ZNF221: variants seen among roughly 807,000 people sequenced by gnomAD.
The protein encoded by ZNF221 is zinc finger protein 221.
ZNF221 carries 10 observed loss-of-function variants against 12.6 expected under a neutral mutation model. That is an observed-to-expected ratio of 0.79 (90% confidence interval 0.49 to 1.34). ZNF221 has a LOEUF of 1.34. ZNF221 is among the 40% of genes most tolerant of loss of function. The pLI, the probability that ZNF221 is intolerant of heterozygous loss-of-function variation, is 0.00. For synonymous variants in ZNF221, 232 were observed against 244.0 expected (o/e 0.95, Z 0.46); for missense variants, 661 against 721.4 (o/e 0.92, Z 0.96).
the ZNF221 span, chr19:43,978,231 C>T: frequency 1.3e-5 from 2 of 152,138 alleles, no homozygotes; most frequent in African/African-American, 2.4e-5. Flanking sequence ...GCGCAGTGAC[C>T]ACTCCTACCC....
the ZNF221 span, among the ~76,000 whole-genome samples, chr19:43,980,965 G>A: frequency 1.3e-5 from 2 of 152,142 alleles, no homozygotes; most frequent in African/African-American, 4.8e-5. Context: ...TGATGGTTGA[G>A]CCTTTGGCTG....
chr19:43,967,167 C>T lies in ZNF221; in HGVS notation c.1665C>T (p.Val555=), dbSNP rs1274102700. ...SKFNLDMHQR[V]HGGERPYNCK... Reference sequence around the variant, plus strand: ...TTAATCTTGACATGCACCAGAGGGTCCACGGGGGAGAGCGACCCTATAATT... The same window carrying T: ...TTAATCTTGACATGCACCAGAGGGTTCACGGGGGAGAGCGACCCTATAATT... The change falls in exon 5 of 5, where the codon GTC becomes GTT. Residue 555 remains valine, a synonymous_variant. Transcript: ENST00000587682. 2 of 1,591,208 alleles carry T rather than the reference C, an allele frequency of 1.3e-6. No individual in the cohort carries two copies. Among genetic ancestry groups the T allele is most frequent in the East Asian group, 2.3e-5 (1 of 43,068 alleles).
intron 1 of ZNF221, among the ~76,000 whole-genome samples, chr19:43,957,582 ACTCT>A (rs1034138994): frequency 1.3e-5 from 2 of 151,682 alleles, no homozygotes; most frequent in Non-Finnish European, 2.9e-5. Context: ...GAGTCCCATG[ACTCT>A]CTCTCTTTCT....
chr19:43,961,560 A>G (rs1974843082), intron 1 of ZNF221, among the ~76,000 whole-genome samples: 1 of 152,168 alleles, frequency 6.6e-6, no homozygotes, highest in Admixed American at 6.5e-5. Flanking sequence ...CCTATTAGAT[A>G]TGGCTAGACA....
the ZNF221 span, among the ~76,000 whole-genome samples, chr19:43,975,872 C>T: frequency 6.6e-6 from 1 of 152,010 alleles, no homozygotes. Flanking sequence ...GTTCTCAAGT[C>T]GGATTCTTAT....
the ZNF221 span, among the ~76,000 whole-genome samples, chr19:43,981,121 A>G: frequency 6.6e-6 from 1 of 152,196 alleles, no homozygotes; most frequent in Non-Finnish European, 1.5e-5. Flanking sequence ...CAACATAAAA[A>G]TGGGTAATAG....
chr19:43,954,944 G>A (rs994675022), intron 1 of ZNF221, among the ~76,000 whole-genome samples: 1 of 152,050 alleles, frequency 6.6e-6, no homozygotes, highest in Non-Finnish European at 1.5e-5. Flanking sequence ...ACACACTTGC[G>A]AAGGTGTGTA....
chr19:43,968,244 A>G (rs1975018998), downstream of ZNF221, among the ~76,000 whole-genome samples: 1 of 152,362 alleles, frequency 6.6e-6, no homozygotes. Flanking sequence ...TGTAGCACAG[A>G]ACCTTTGTAA....
rs143821769 is a variant in ZNF221, at chr19:43,963,814, C to A, written c.81+1007C>A. Among the ~76,000 whole-genome samples the A allele has an allele frequency of 3.8e-4, 58 of 152,314 alleles. No homozygotes were observed. In the East Asian group the frequency reaches 0.01, roughly 26 times the overall value. ...GAGAATGATATTAATACAATGAATT[C>A]TTCTTCCTAATCATATTACCGAAAC... On this transcript the variant is annotated intron_variant, in intron 2 of 4. Transcript: ENST00000587682.
chr19:43,955,331 C>T (rs1252153958), intron 1 of ZNF221, among the ~76,000 whole-genome samples: 1 of 150,926 alleles, frequency 6.6e-6, no homozygotes, highest in Admixed American at 6.6e-5. Flanking sequence ...TTTTCATCTG[C>T]ATTTTGTGCC....
At chr19:43,977,662 T>G in the ZNF221 span, among the ~76,000 whole-genome samples, 1 of 152,342 alleles carries the variant, frequency 6.6e-6, no homozygotes, top group Admixed American at 6.5e-5. Context: ...TGGAACCAGC[T>G]CGGACAAAGA....
chr19:43,972,370 C>G (rs942235658), downstream of ZNF221, among the ~76,000 whole-genome samples: 1 of 151,582 alleles, frequency 6.6e-6, no homozygotes, highest in African/African-American at 2.4e-5. Context: ...AATAGAGAAC[C>G]AAAAACAAAC....
At chr19:43,963,711 T>C (rs551350384) in intron 2 of ZNF221, among the ~76,000 whole-genome samples, 2 of 152,338 alleles carry the variant, frequency 1.3e-5, no homozygotes, top group Admixed American at 6.5e-5. Flanking sequence ...TCATAAAATA[T>C]GAGAAATCTG....
In ZNF221 at chr19:43,966,623, G is replaced by C; in HGVS notation, c.1121G>C (p.Gly374Ala). 6.2e-7 allele frequency: 1 copy of C among 1,614,088 alleles called. No individual in the cohort carries two copies. The highest frequency in any genetic ancestry group is 2.2e-5 in the East Asian group (1 of 44,874). The stretch of plus-strand genomic sequence containing the variant: ...TACAAATGTGAGCAATGTGGAAAAG[G>C]CTTCATTTGTAGGCGAGATTTTTGT... ...KPYKCEQCGK[G>A]FICRRDFCKH... Residue 374 changes from glycine to alanine, a missense_variant, in exon 5 of 5, where the codon GGC becomes GCC. By Grantham distance (60) the Gly-to-Ala change is moderately conservative. Transcript: ENST00000587682.
chr19:43,980,456 T>C, the ZNF221 span, among the ~76,000 whole-genome samples: 1 of 152,248 alleles, frequency 6.6e-6, no homozygotes, highest in Non-Finnish European at 1.5e-5. Context: ...CGTGTGACTA[T>C]GTACTCAAAA....
Position 43,964,980 on chromosome 19 carries a change from G to C in ZNF221, c.112G>C (p.Val38Leu), listed in dbSNP as rs1161988523. The change falls in exon 3 of 5, where the codon GTC becomes CTC. Residue 38 changes from valine to leucine, a missense_variant. Coordinates refer to ENST00000587682, the MANE Select transcript of ZNF221 (RefSeq NM_001297588.2). The part of the protein sequence containing the change: ...EAVTFKDVAV[V>L]FTEEELGLLD... ...AGTGACATTCAAGGATGTGGCTGTG[G>C]TCTTCACTGAGGAGGAGCTGGGGCT... 6.2e-7 allele frequency: 1 copy of C among 1,614,176 alleles called. No homozygotes were observed. The highest frequency in any genetic ancestry group is 1.3e-5 in the African/African-American group (1 of 75,024).
chr19:43,956,570 C>T (rs111935165), intron 1 of ZNF221, among the ~76,000 whole-genome samples: 3,901 of 152,160 alleles, frequency 0.026, 179 homozygotes, highest in African/African-American at 0.09. Flanking sequence ...GACCCTGGCT[C>T]TTGTCAATCT....
chr19:43,966,047 T>G lies in ZNF221; in HGVS notation c.545T>G (p.Val182Gly). 1 of 1,614,232 alleles carries G rather than the reference T, an allele frequency of 6.2e-7. No individual in the cohort carries two copies. The highest frequency in any genetic ancestry group is 8.5e-7 in the Non-Finnish European group (1 of 1,180,036). The change falls in exon 5 of 5, where the codon GTT becomes GGT. Residue 182 changes from valine to glycine, a missense_variant. Physicochemically the swap from Val to Gly is moderately radical, Grantham distance 109 (BLOSUM62 -3). Transcript: ENST00000587682. ...GAATGTAAACAGTCCTTCAGTGATG[T>G]TTCTGTCTTTGATCTTCATCAACAA... is the stretch of plus-strand genomic sequence containing the variant. Reference protein sequence around the residue: ...CNECKQSFSDVSVFDLHQQSH... With the variant: ...CNECKQSFSDGSVFDLHQQSH...
intron 1 of ZNF221, among the ~76,000 whole-genome samples, chr19:43,954,761 A>G (rs1018497224): frequency 1.3e-5 from 2 of 152,318 alleles, no homozygotes; most frequent in African/African-American, 4.8e-5. Flanking sequence ...GTATGGGGAA[A>G]AAAATTGAGG....
Sources: allele counts gnomAD v4.1 joint callset (sites outside exome capture counted in the v4.1 genomes callset), GRCh38; gene constraint gnomAD v4.1.1; transcripts MANE v1.5; gene names NCBI Gene and HGNC (gene_info 2026-07-23, HGNC 2026-07-21).